Variants in COL11A1 observed in about 807,000 individuals in gnomAD.
COL11A1 encodes collagen alpha-1(XI) chain.
A neutral mutation model predicts 265.2 loss-of-function variants in COL11A1; 74 were observed. The ratio of observed to expected loss-of-function variants is 0.28; its 90% confidence interval spans 0.23 to 0.34. The LOEUF (loss-of-function observed/expected upper bound fraction) is 0.34. COL11A1 is among the 10% of genes least tolerant of loss of function. The probability of loss-of-function intolerance (pLI) is 1.00; values close to 1 mark genes in which losing one functional copy is unlikely to be tolerated. For missense variants in COL11A1, 2,165 were observed against 2,263.6 expected (o/e 0.96, Z 0.88); for synonymous variants, 816 against 727.6 (o/e 1.12, Z -1.96).
At chr1:103,072,403 A>G (rs1035190163) in intron 4 of COL11A1, among the ~76,000 whole-genome samples, 1 of 151,914 alleles carries the variant, frequency 6.6e-6, no homozygotes, top group Non-Finnish European at 1.5e-5. Flanking sequence ...TAGTTTTCAG[A>G]CTAATGAATC....
chr1:102,927,444 C>T (rs946128441), intron 46 of COL11A1, among the ~76,000 whole-genome samples: 2 of 152,162 alleles, frequency 1.3e-5, no homozygotes, highest in African/African-American at 4.8e-5. Flanking sequence ...CGGCCAGGCG[C>T]AGTGGCTCAC....
At chr1:103,079,551 T>C (rs571328105) in intron 2 of COL11A1, among the ~76,000 whole-genome samples, 11 of 152,182 alleles carry the variant, frequency 7.2e-5, no homozygotes, top group African/African-American at 2.6e-4. Flanking sequence ...ATCTGTTATA[T>C]AAATATATCA....
intron 4 of COL11A1, among the ~76,000 whole-genome samples, chr1:103,038,930 G>A (rs1262207205): frequency 6.6e-6 from 1 of 152,146 alleles, no homozygotes; most frequent in Non-Finnish European, 1.5e-5. Flanking sequence ...GAATGATAAG[G>A]AAATATGGAG....
rs148619445 is a variant in COL11A1 at position 102,959,003 on chromosome 1, C to T, written c.3168+2863G>A. On this transcript the variant is annotated intron_variant, in intron 41 of 66. Transcript: ENST00000370096. ...ATCTTAGTCATAAATCCTACTACCTCGCCCCCTCCGTGTTTGCTACATCTG... is the reference window on the plus strand; with the variant it reads ...ATCTTAGTCATAAATCCTACTACCTTGCCCCCTCCGTGTTTGCTACATCTG... Among the ~76,000 whole-genome samples the T allele has an allele frequency of 2.8e-3, 431 of 152,268 alleles. 11 individuals are homozygous for T. Among genetic ancestry groups the T allele is most frequent in the Non-Finnish European group, 3.1e-4 (21 of 68,014 alleles).
At chr1:103,046,964 T>C (rs1409581319) in intron 4 of COL11A1, among the ~76,000 whole-genome samples, 1 of 152,166 alleles carries the variant, frequency 6.6e-6, no homozygotes, top group East Asian at 1.9e-4. Flanking sequence ...CATTGGTCTA[T>C]ATCTCTATTT....
intron 31 of COL11A1, 49 bp from the exon 32 acceptor site, chr1:102,979,484 CA>C: frequency 8.2e-7 from 1 of 1,216,184 alleles, no homozygotes; most frequent in African/African-American, 1.5e-5. Context: ...TTAACATTTT[CA>C]GTCACAAGAT....
At chr1:103,003,544 G>A (rs1665328035) in intron 20 of COL11A1, among the ~76,000 whole-genome samples, 1 of 152,178 alleles carries the variant, frequency 6.6e-6, no homozygotes, top group East Asian at 1.9e-4. Context: ...ATAGGAAACA[G>A]TTTAATATTT....
At position 103,059,623 on chromosome 1, in the gene COL11A1, T is replaced by C. The variant is rs182424462; in HGVS notation, c.651+14995A>G. 6.7e-4 allele frequency among the ~76,000 whole-genome samples: 102 copies of C among 152,200 alleles called. 2 individuals are homozygous for C. The highest frequency in any genetic ancestry group is 2.4e-3 in the African/African-American group (98 of 41,530). On this transcript the variant is annotated intron_variant, in intron 4 of 66. Transcript: ENST00000370096. ...CGTGCTAAGAACTTTAATAAAAAAG[T>C]AGACAACAGGCAGGAACAGAATGGC...
intron 30 of COL11A1, 116 bp downstream of exon 30, chr1:102,987,517 A>G (rs1330734268): frequency 7.4e-6 from 6 of 807,822 alleles, no homozygotes; most frequent in African/African-American, 1.7e-5. Flanking sequence ...ATAATGAAAC[A>G]TTTTATCTTT....
intron 1 of COL11A1, among the ~76,000 whole-genome samples, chr1:103,092,774 C>A (rs1427665200): frequency 6.6e-6 from 1 of 152,024 alleles, no homozygotes; most frequent in African/African-American, 2.4e-5. Context: ...ATATTGTAAA[C>A]CTTGAAAAGC....
intron 1 of COL11A1, 97 bp downstream of exon 1, chr1:103,107,976 C>G: frequency 1.3e-5 from 9 of 671,764 alleles, no homozygotes; most frequent in Non-Finnish European, 1.2e-5. Flanking sequence ...TTTTTTTTTT[C>G]TTGAAGAGCG....
At chr1:102,904,600 T>C (rs1653671009) in intron 54 of COL11A1, among the ~76,000 whole-genome samples, 2 of 151,712 alleles carry the variant, frequency 1.3e-5, no homozygotes, top group Non-Finnish European at 2.9e-5. Flanking sequence ...AAGATATTTA[T>C]GCAGCCAAAA....
intron 46 of COL11A1, 124 bp from the exon 47 acceptor site, chr1:102,923,513 A>T: frequency 1.4e-6 from 1 of 739,522 alleles, no homozygotes; most frequent in Non-Finnish European, 2.3e-6. Flanking sequence ...AGATTCAGAT[A>T]CTAACATTTG....
intron 7 of COL11A1, among the ~76,000 whole-genome samples, chr1:103,024,563 C>T (rs930064280): frequency 6.6e-6 from 1 of 152,020 alleles, no homozygotes; most frequent in Non-Finnish European, 1.5e-5. Context: ...ACAGAGACTG[C>T]ATAATATCTA....
intron 4 of COL11A1, among the ~76,000 whole-genome samples, chr1:103,072,866 A>G (rs1671693995): frequency 6.6e-6 from 1 of 151,762 alleles, no homozygotes; most frequent in Non-Finnish European, 1.5e-5. Flanking sequence ...CAATTCAAAG[A>G]TTCCTACTCT....
In COL11A1 at chr1:102,914,816, A is replaced by T; in HGVS notation, c.3817-5T>A. ...TCCTCTTTCTCCTTTGGGACCCTAA[A>T]CAATGTTAAAAAAAAAAAAAGAAGA... On this transcript the variant is annotated splice_polypyrimidine_tract_variant and splice_region_variant and intron_variant, in intron 50 of 66. Transcript: ENST00000370096. 1 of 1,521,166 alleles carries T rather than the reference A, an allele frequency of 6.6e-7. No individual in the cohort carries two copies. Among genetic ancestry groups the T allele is most frequent in the Non-Finnish European group, 8.9e-7 (1 of 1,128,058 alleles). The allele number at this position is 1,521,166 out of a possible 1,614,324, so 94.2% of individuals were successfully genotyped here.
chr1:102,978,680 T>G (rs763027906), intron 35 of COL11A1, 28 bp downstream of exon 35: 5 of 1,610,812 alleles, frequency 3.1e-6, no homozygotes. Context: ...AATTTTCATT[T>G]TATATTATGT....
chr1:102,905,241 G>T (rs1215166790), intron 54 of COL11A1, among the ~76,000 whole-genome samples: 1 of 101,008 alleles, frequency 9.9e-6, no homozygotes, highest in South Asian at 4.4e-4. Flanking sequence ...GGGGAGGGGG[G>T]AGGGATAGCA....
chr1:103,019,117 G>T (rs1049425115), intron 9 of COL11A1, among the ~76,000 whole-genome samples: 1 of 152,122 alleles, frequency 6.6e-6, no homozygotes, highest in African/African-American at 2.4e-5. Flanking sequence ...TTACAAAGGA[G>T]AATATGCTAA....
Sources: gnomAD v4.1 joint callset for allele counts (sites outside exome capture counted in the v4.1 genomes callset) on GRCh38, gnomAD v4.1.1 for gene constraint, MANE v1.5 for transcripts, NCBI Gene and HGNC (gene_info 2026-07-23, HGNC 2026-07-21) for gene names.